Variants in PDGFRA observed in about 807,000 individuals in gnomAD.
The protein encoded by PDGFRA is platelet derived growth factor receptor alpha.
A neutral mutation model predicts 121.5 loss-of-function variants in PDGFRA; 25 were observed. The observed-to-expected ratio is 0.21, with a 90% CI of 0.15 to 0.29. PDGFRA has a LOEUF of 0.29. Among genes scored for constraint, PDGFRA ranks in the 10% least tolerant of loss-of-function variants. PDGFRA has a pLI of 1.00. For missense variants in PDGFRA, 1,008 were observed against 1,345.1 expected (o/e 0.75, Z 3.92); for synonymous variants, 463 against 494.8 (o/e 0.94, Z 0.85).
At chr4:54,288,761 C>T (rs750183911) in intron 19 of PDGFRA, 38 bp from the exon 20 acceptor site, 34 of 1,110,790 alleles carry the variant, frequency 3.1e-5, no homozygotes, top group South Asian at 2.6e-4. Context: ...ATGCACTGAG[C>T]GTTTGTTAGT....
chr4:54,272,430 A>T lies in PDGFRA; in HGVS notation c.1274A>T (p.His425Leu), dbSNP rs769631321. ...SSILDLVDDH[H>L]GSTGGQTVRC... ...ATTCTGGACTTGGTCGATGATCACC[A>T]TGGCTCAACTGGGGGACAGACGGTG... is the stretch of plus-strand genomic sequence containing the variant. The change falls in exon 9 of 23, where the codon CAT (histidine) becomes CTT (leucine). Residue 425 changes from histidine to leucine, a missense_variant. By Grantham distance (99) the His-to-Leu change is moderately conservative. Around this residue, in one of 5 missense-constraint regions of PDGFRA, gnomAD observed 575 missense variants for 701.8 expected, o/e 0.82. Coordinates refer to ENST00000257290, the MANE Select transcript of PDGFRA (RefSeq NM_006206.6). 2 of 1,613,992 alleles carry T rather than the reference A, an allele frequency of 1.2e-6. No homozygotes were observed. The highest frequency in any genetic ancestry group is 3.3e-5 in the Admixed American group (2 of 60,014).
At position 54,285,413 on chromosome 4, in the gene PDGFRA, G is replaced by T. The variant is rs555553917; in HGVS notation, c.2366G>T (p.Gly789Val). The T allele has an allele frequency of 6.4e-7, 1 of 1,574,094 alleles. No individual in the cohort carries two copies. The highest frequency in any genetic ancestry group is 8.7e-7 in the Non-Finnish European group (1 of 1,143,638). The stretch of plus-strand genomic sequence containing the variant: ...CTCCTTTCAGATGATAACTCAGAAG[G>T]CCTTACTTTATTGGATTTGTTGAGC... ...KNLLSDDNSE[G>V]LTLLDLLSFT... The change falls in exon 17 of 23, where the codon GGC (glycine) becomes GTC (valine). Residue 789 changes from glycine (G) to valine (V), a missense_variant. By Grantham distance (109) the Gly-to-Val change is moderately radical (BLOSUM62 -3). Coordinates refer to ENST00000257290, the MANE Select transcript of PDGFRA (RefSeq NM_006206.6).
In PDGFRA at chr4:54,296,367, G is replaced by GTTTTTTTTTTTTTTTTT; in HGVS notation, c.*1111_*1112insTTTTTTTTTTTTTTTTT. On this transcript the variant is annotated 3_prime_UTR_variant, in exon 23 of 23. Coordinates refer to ENST00000257290, the MANE Select transcript of PDGFRA (RefSeq NM_006206.6). The stretch of plus-strand genomic sequence containing the variant: ...CAGCAAAAAGACTGGATTTGCAGAA[G>GTTTTTTTTTTTTTTTTT]TTTTTTTTTTTTTTTTCTTCATGCC... 4.9e-6 allele frequency: 1 copy of GTTTTTTTTTTTTTTTTT among 204,282 alleles called. No individual in the cohort carries two copies. Among genetic ancestry groups the GTTTTTTTTTTTTTTTTT allele is most frequent in the Non-Finnish European group, 9.7e-6 (1 of 103,048 alleles). The allele number at this position is 204,282 out of a possible 1,614,324, so 12.7% of individuals were successfully genotyped here. A position where few individuals can be genotyped will look rare whatever the true frequency, so the allele number is the denominator to read the frequency against.
chr4:54,288,927 G>A (rs1157502248), intron 20 of PDGFRA, 29 bp downstream of exon 20: 1 of 1,560,054 alleles, frequency 6.4e-7, no homozygotes, highest in South Asian at 1.1e-5. Flanking sequence ...CCGGGGGCCT[G>A]TGTTCACAGT....
intron 9 of PDGFRA, among the ~76,000 whole-genome samples, chr4:54,273,306 C>G (rs867248782): frequency 1.3e-5 from 2 of 152,194 alleles, no homozygotes; most frequent in Admixed American, 6.5e-5. Context: ...TTGATTATCT[C>G]TGCCTGCTAT....
chr4:54,290,929 G>A (rs1724602361), intron 22 of PDGFRA, among the ~76,000 whole-genome samples: 1 of 152,124 alleles, frequency 6.6e-6, no homozygotes, highest in African/African-American at 2.4e-5. Context: ...AAGAGAGGCG[G>A]GACTGGGTCC....
At chr4:54,293,429 C>CTTTTTTTTTTTTTT (rs35064429) in intron 22 of PDGFRA, among the ~76,000 whole-genome samples, 2 of 116,146 alleles carry the variant, frequency 1.7e-5, no homozygotes, top group African/African-American at 3.3e-5. Context: ...CCTAGAATTT[C>CTTTTTTTTTTTTTT]TTTTTTTTTT....
chr4:54,267,097 G>C (rs1056882082), intron 5 of PDGFRA, among the ~76,000 whole-genome samples, 192 bp from the exon 6 acceptor site: 1 of 152,146 alleles, frequency 6.6e-6, no homozygotes, highest in Non-Finnish European at 1.5e-5. Context: ...GAGAGGTACA[G>C]AGATTTCCCA....
chr4:54,286,058 T>A, intron 18 of PDGFRA, 95 bp downstream of exon 18: 1 of 1,292,816 alleles, frequency 7.7e-7, no homozygotes, highest in Non-Finnish European at 1.1e-6. Flanking sequence ...GCCTGTTTTT[T>A]AAAACATCAA....
At chr4:54,285,079 A>G (rs541461297) in intron 16 of PDGFRA, among the ~76,000 whole-genome samples, 2 of 151,498 alleles carry the variant, frequency 1.3e-5, no homozygotes, top group South Asian at 2.1e-4. Context: ...TATTATTAGT[A>G]GAGATAGGGT....
intron 1 of PDGFRA, among the ~76,000 whole-genome samples, chr4:54,238,792 C>T (rs1162311352): frequency 6.6e-6 from 1 of 152,072 alleles, no homozygotes; most frequent in Non-Finnish European, 1.5e-5. Flanking sequence ...ATAGTGAGAC[C>T]TTGTCTCTAC....
intron 9 of PDGFRA, 93 bp from the exon 10 acceptor site, chr4:54,273,444 C>T: frequency 1.0e-6 from 1 of 986,796 alleles, no homozygotes; most frequent in Non-Finnish European, 1.6e-6. Context: ...GACAAGGTCC[C>T]AACTCCTTGC....
chr4:54,252,976 G>GA (rs1332906407), intron 1 of PDGFRA, among the ~76,000 whole-genome samples: 1 of 151,198 alleles, frequency 6.6e-6, no homozygotes. Flanking sequence ...CTGTTAAAGA[G>GA]AAAGGATAGT....
chr4:54,252,403 A>T (rs1258147212), intron 1 of PDGFRA, among the ~76,000 whole-genome samples: 1 of 152,066 alleles, frequency 6.6e-6, no homozygotes, highest in African/African-American at 2.4e-5. Flanking sequence ...AATCTTCCAG[A>T]TTTCACCTTT....
At chr4:54,259,587 G>A (rs891702999) in intron 2 of PDGFRA, among the ~76,000 whole-genome samples, 4 of 152,110 alleles carry the variant, frequency 2.6e-5, no homozygotes, top group Non-Finnish European at 5.9e-5. Context: ...GCAGATGTTC[G>A]CCATGAAACC....
At chr4:54,270,047 C>A (rs965192365) in intron 7 of PDGFRA, among the ~76,000 whole-genome samples, 43 of 151,982 alleles carry the variant, frequency 2.8e-4, no homozygotes, top group African/African-American at 9.9e-4. Flanking sequence ...TACTCCTGTC[C>A]CCAGCTGCCC....
At chr4:54,239,211 A>G (rs1721167379) in intron 1 of PDGFRA, among the ~76,000 whole-genome samples, 1 of 152,198 alleles carries the variant, frequency 6.6e-6, no homozygotes. Context: ...AAGGGGAGGA[A>G]CCCTCAGTCC....
At chr4:54,244,280 C>CCCACTGAGCAG (rs1405904332) in intron 1 of PDGFRA, among the ~76,000 whole-genome samples, 3 of 151,776 alleles carry the variant, frequency 2.0e-5, no homozygotes, top group Non-Finnish European at 4.4e-5. Context: ...GGGTCCCTGA[C>CCCACTGAGCAG]CCCTGACCCC....
At chr4:54,232,083 C>T (rs944339872) in intron 1 of PDGFRA, among the ~76,000 whole-genome samples, 2 of 152,238 alleles carry the variant, frequency 1.3e-5, no homozygotes, top group Non-Finnish European at 2.9e-5. Context: ...TCCCTTTGAC[C>T]TCCGGGGAGC....
Sources: gnomAD v4.1 joint callset for allele counts (sites outside exome capture counted in the v4.1 genomes callset) on GRCh38, gnomAD v4.1.1 for gene constraint, gnomAD v4.1.1 regional missense constraint, MANE v1.5 for transcripts, NCBI Gene and HGNC (gene_info 2026-07-23, HGNC 2026-07-21) for gene names.